The following SNX30 variants were observed in gnomAD, a reference collection of about 807,000 sequenced individuals.
SNX30 encodes the protein sorting nexin family member 30.
In SNX30, 24 loss-of-function variants were observed where a neutral mutation model predicts 46.4. The ratio of observed to expected loss-of-function variants is 0.52; its 90% CI spans 0.37 to 0.73. SNX30 has a LOEUF of 0.73. Ranked by LOEUF, SNX30 falls within the 30% of genes least tolerant of loss-of-function variation. SNX30 has a pLI of 0.00. For synonymous variants in SNX30, 189 were observed against 211.5 expected (o/e 0.89, Z 0.92); for missense variants, 533 against 555.7 (o/e 0.96, Z 0.41).
chr9:112,827,917 G>A lies in SNX30; in HGVS notation c.460-2808G>A, dbSNP rs924751822. ...ACGTTGTCTTGGTTTATTCCCTAAA[G>A]AGGCTTGCATTTTCTAAAGAGGCTG... On this transcript the variant is annotated intron_variant, in intron 3 of 8. Coordinates refer to ENST00000374232, the MANE Select transcript of SNX30 (RefSeq NM_001012994.2). 1.9e-4 allele frequency among the ~76,000 whole-genome samples: 29 copies of A among 152,312 alleles called. No individual in the cohort carries two copies. In the South Asian group the frequency reaches 4.6e-3, roughly 24 times the overall value.
chr9:112,806,191 C>T (rs546088530), intron 2 of SNX30, among the ~76,000 whole-genome samples: 1 of 152,048 alleles, frequency 6.6e-6, no homozygotes, highest in Non-Finnish European at 1.5e-5. Flanking sequence ...TTGTGACAAC[C>T]AAAAATGTCT....
chr9:112,865,690 C>CAT (rs1401851420), intron 8 of SNX30, among the ~76,000 whole-genome samples: 3 of 120,724 alleles, frequency 2.5e-5, no homozygotes, highest in African/African-American at 3.1e-5. Flanking sequence ...CACACACACA[C>CAT]GTATACACAC....
chr9:112,758,329 GCT>G (rs556513416), intron 1 of SNX30, among the ~76,000 whole-genome samples: 4 of 151,468 alleles, frequency 2.6e-5, no homozygotes, highest in Non-Finnish European at 5.9e-5. Flanking sequence ...CTCAAGTTGC[GCT>G]CTCTCTTTTT....
At chr9:112,857,895 A>T (rs193277337) in intron 7 of SNX30, among the ~76,000 whole-genome samples, 13 of 152,262 alleles carry the variant, frequency 8.5e-5, no homozygotes, top group African/African-American at 3.1e-4. Context: ...TTTTAAATGA[A>T]TGTTGAGTGA....
At chr9:112,808,747 A>G (rs1840271550) in intron 2 of SNX30, among the ~76,000 whole-genome samples, 1 of 152,204 alleles carries the variant, frequency 6.6e-6, no homozygotes, top group Non-Finnish European at 1.5e-5. Context: ...TATACTGCCA[A>G]TTCACTTAAT....
At chr9:112,880,351 T>G (rs1309871316) in exon 5 of SNX30, 1 of 58,078 alleles carries the variant, frequency 1.7e-5, no homozygotes, top group Non-Finnish European at 4.0e-5. Flanking sequence ...AAAAAAAGAA[T>G]CTCTGATACT....
chr9:112,814,626 A>G (rs1013599412), intron 2 of SNX30, among the ~76,000 whole-genome samples: 4 of 152,256 alleles, frequency 2.6e-5, no homozygotes, highest in Non-Finnish European at 5.9e-5. Context: ...AAGGATGTTC[A>G]ACCCCAATAG....
chr9:112,786,594 A>G (rs1289463038), intron 1 of SNX30, among the ~76,000 whole-genome samples: 1 of 151,854 alleles, frequency 6.6e-6, no homozygotes, highest in East Asian at 1.9e-4. Context: ...TGGACTCAGA[A>G]TGCCCATGTG....
intron 2 of SNX30, among the ~76,000 whole-genome samples, chr9:112,816,336 CAAT>C (rs1840395759): frequency 6.6e-6 from 1 of 152,246 alleles, no homozygotes. Context: ...AATTTGTCAA[CAAT>C]GACTTGCTCT....
intron 1 of SNX30, among the ~76,000 whole-genome samples, chr9:112,780,592 C>G (rs1199851141): frequency 6.6e-6 from 1 of 152,120 alleles, no homozygotes; most frequent in Non-Finnish European, 1.5e-5. Flanking sequence ...TTTGCTTTCT[C>G]TATGTGGGCT....
intron 4 of SNX30, among the ~76,000 whole-genome samples, chr9:112,831,534 C>T (rs573176916): frequency 6.6e-6 from 1 of 152,316 alleles, no homozygotes; most frequent in South Asian, 2.1e-4. Flanking sequence ...CTTGCAGCTG[C>T]ATTTTACAGA....
chr9:112,791,235 C>T (rs919836322), intron 1 of SNX30, among the ~76,000 whole-genome samples: 5 of 151,996 alleles, frequency 3.3e-5, no homozygotes, highest in Admixed American at 2.6e-4. Flanking sequence ...CCCCTGGCAA[C>T]CAAGTCTGCT....
intron 6 of SNX30, among the ~76,000 whole-genome samples, chr9:112,849,991 G>A (rs532968177): frequency 6.6e-6 from 1 of 152,332 alleles, no homozygotes; most frequent in East Asian, 1.9e-4. Flanking sequence ...AAGCTTTTCT[G>A]TTTTGCTTGG....
At chr9:112,775,244 C>A (rs1839724377) in intron 1 of SNX30, among the ~76,000 whole-genome samples, 1 of 151,210 alleles carries the variant, frequency 6.6e-6, no homozygotes, top group Non-Finnish European at 1.5e-5. Context: ...CAACCTCCAC[C>A]TCCCAGGTTC....
chr9:112,756,686 C>T lies in SNX30; in HGVS notation c.156+5529C>T, dbSNP rs1204150251. Among the ~76,000 whole-genome samples the T allele has an allele frequency of 4.6e-5, 7 of 152,246 alleles. No homozygotes were observed. The South Asian group carries it at 8.3e-4, about 18-fold the overall frequency. Reference sequence around the variant, plus strand: ...ATATTGGCCAGGCTGGTCTCGAACTCCTGACCTCAGGTGATCCGCCTGCCT... The same window carrying T: ...ATATTGGCCAGGCTGGTCTCGAACTTCTGACCTCAGGTGATCCGCCTGCCT... On this transcript the variant is annotated intron_variant, in intron 1 of 8. Coordinates refer to ENST00000374232, the MANE Select transcript of SNX30 (RefSeq NM_001012994.2).
intron 1 of SNX30, among the ~76,000 whole-genome samples, chr9:112,769,905 T>C (rs1333454159): frequency 3.9e-5 from 6 of 152,074 alleles, no homozygotes; most frequent in Non-Finnish European, 7.4e-5. Flanking sequence ...TAGCCTCGGC[T>C]CTTCCCTTTT....
At chr9:112,876,848 A>G (rs1390764123), downstream of SNX30, among the ~76,000 whole-genome samples, 1 of 151,378 alleles carries the variant, frequency 6.6e-6, no homozygotes, top group African/African-American at 2.4e-5. Flanking sequence ...AGGCAGGAGA[A>G]TTGCTTGAAC....
At chr9:112,862,876 C>T (rs1202473278) in intron 7 of SNX30, among the ~76,000 whole-genome samples, 4 of 151,660 alleles carry the variant, frequency 2.6e-5, no homozygotes, top group Non-Finnish European at 4.4e-5. Flanking sequence ...TTTTTTCCCT[C>T]TTCCAGAAGC....
downstream of SNX30, among the ~76,000 whole-genome samples, chr9:112,876,797 A>G (rs971299854): frequency 6.6e-6 from 1 of 152,246 alleles, no homozygotes; most frequent in South Asian, 2.1e-4. Context: ...TTAGCCAGAC[A>G]TGGTGGTGCG....
Sources: allele counts gnomAD v4.1 joint callset (sites outside exome capture counted in the v4.1 genomes callset), GRCh38; gene constraint gnomAD v4.1.1; transcripts MANE v1.5; gene names NCBI Gene and HGNC (gene_info 2026-07-23, HGNC 2026-07-21).